Variants in ACSL5 observed in about 807,000 individuals in gnomAD.
ACSL5 encodes acyl-CoA synthetase long chain family member 5.
Under a neutral mutation model 84.9 loss-of-function variants are expected in ACSL5, and 50 were observed. The ratio of observed to expected loss-of-function variants is 0.59; its 90% CI spans 0.47 to 0.75. The LOEUF is 0.75. Ranked by LOEUF, ACSL5 falls within the 30% of genes least tolerant of loss-of-function variation. The pLI is 0.00. For missense variants in ACSL5, 775 were observed against 830.4 expected (o/e 0.93, Z 0.82); for synonymous variants, 280 against 300.7 (o/e 0.93, Z 0.71).
At chr10:112,416,172 T>TA (rs898150026) in intron 12 of ACSL5, among the ~76,000 whole-genome samples, 5 of 152,066 alleles carry the variant, frequency 3.3e-5, no homozygotes, top group Admixed American at 6.6e-5. Flanking sequence ...ATACTTGTTT[T>TA]AAAAAATCAG....
chr10:112,385,260 G>T (rs1314872202), intron 1 of ACSL5, among the ~76,000 whole-genome samples: 5 of 152,278 alleles, frequency 3.3e-5, no homozygotes, highest in African/African-American at 9.6e-5. Flanking sequence ...TAAGTTATCT[G>T]CCCCAGGTCA....
intron 5 of ACSL5, among the ~76,000 whole-genome samples, chr10:112,405,770 A>G (rs1844021329): frequency 6.6e-6 from 1 of 152,242 alleles, no homozygotes; most frequent in Non-Finnish European, 1.5e-5. Context: ...GTAGTTGATT[A>G]ACACATATTT....
intron 1 of ACSL5, 108 bp from the exon 2 acceptor site, chr10:112,394,810 G>T (rs181503693): frequency 7.7e-5 from 113 of 1,468,200 alleles, no homozygotes; most frequent in Non-Finnish European, 9.7e-5. Flanking sequence ...GCGTGCGCGC[G>T]TGTGTGTGTG....
chr10:112,426,964 G>T (rs1844749167), intron 20 of ACSL5, 105 bp downstream of exon 20: 2 of 1,115,546 alleles, frequency 1.8e-6, no homozygotes, highest in African/African-American at 1.6e-5. Context: ...ATTGATTTTA[G>T]ATTTTGTGCC....
intron 1 of ACSL5, 110 bp from the exon 2 acceptor site, chr10:112,394,808 G>A (rs974080724): frequency 1.9e-5 from 29 of 1,519,582 alleles, no homozygotes; most frequent in Admixed American, 6.0e-5. Context: ...AGGCGTGCGC[G>A]CGTGTGTGTG....
chr10:112,380,627 G>T (rs1306405392), intron 1 of ACSL5, among the ~76,000 whole-genome samples: 3 of 152,162 alleles, frequency 2.0e-5, no homozygotes, highest in African/African-American at 7.2e-5. Context: ...CTAATGAGAT[G>T]ATTGGTCTCT....
rs768511347 is a variant in ACSL5, at chr10:112,411,975, T to C, written c.944T>C (p.Val315Ala). 6 of 1,611,736 alleles carry C rather than the reference T, an allele frequency of 3.7e-6. No homozygotes were observed. In the Admixed American group the frequency reaches 1.0e-4, roughly 27 times the overall value. The change falls in exon 11 of 21, where the codon GTA (valine) becomes GCA (alanine). Residue 315 changes from valine to alanine, a missense_variant. Coordinates refer to ENST00000354655, the MANE Select transcript of ACSL5 (RefSeq NM_203379.2). ...CTGGCTCATATGTTTGAGAGGATTG[T>C]ACAGGTGAGTGTTCTGTGTTCCTAG... ...LPLAHMFERIVQAVVYSCGAR... is the reference protein window; with the variant it reads ...LPLAHMFERIAQAVVYSCGAR...
intron 14 of ACSL5, among the ~76,000 whole-genome samples, chr10:112,419,046 T>C (rs1428603164): frequency 3.3e-5 from 5 of 152,128 alleles, no homozygotes; most frequent in Non-Finnish European, 7.4e-5. Flanking sequence ...ATTAATAATC[T>C]AGAATAAATC....
chr10:112,377,367 CCATCT>C (rs1564728227), intron 1 of ACSL5, among the ~76,000 whole-genome samples: 1 of 152,142 alleles, frequency 6.6e-6, no homozygotes, highest in East Asian at 1.9e-4. Context: ...TGGCGAAACC[CCATCT>C]CTACTGAAAA....
chr10:112,411,283 G>T, intron 9 of ACSL5, 173 bp from the exon 10 acceptor site: 1 of 600,882 alleles, frequency 1.7e-6, no homozygotes. Flanking sequence ...TAGAATCTCC[G>T]GGGGCATTAA....
Position 112,422,006 on chromosome 10 carries a change from A to T in ACSL5, c.1447A>T (p.Asn483Tyr). Reference protein sequence around the residue: ...YVKLEDVADMNYFTVNNEGEV... With the variant: ...YVKLEDVADMYYFTVNNEGEV... The stretch of plus-strand genomic sequence containing the variant: ...GAAGCTGGAAGATGTGGCTGACATG[A>T]ACTACTTTACAGTGAATAATGAAGG... The change falls in exon 16 of 21, where the codon AAC (asparagine) becomes TAC (tyrosine). Residue 483 changes from asparagine to tyrosine, a missense_variant. By Grantham distance (143) the Asn-to-Tyr change is moderately radical. Coordinates refer to ENST00000354655, the MANE Select transcript of ACSL5 (RefSeq NM_203379.2). 6.2e-7 allele frequency: 1 copy of T among 1,614,222 alleles called. No individual in the cohort carries two copies.
chr10:112,376,226 C>A, intron 1 of ACSL5: 1 of 1,548,330 alleles, frequency 6.5e-7, no homozygotes, highest in East Asian at 2.3e-5. Context: ...TCCCCGAGCA[C>A]GTTAGAAAGC....
chr10:112,424,610 G>A (rs1844600039), intron 17 of ACSL5: 1 of 152,228 alleles, frequency 6.6e-6, no homozygotes, highest in Non-Finnish European at 1.5e-5. Context: ...ACGTTAGGCT[G>A]AATTGATGGC....
At chr10:112,392,289 TGGTG>T (rs1395044012) in intron 1 of ACSL5, among the ~76,000 whole-genome samples, 3 of 148,566 alleles carry the variant, frequency 2.0e-5, no homozygotes, top group South Asian at 4.4e-4. Flanking sequence ...CTGGGCAGCA[TGGTG>T]AGGCTGTGTC....
chr10:112,416,880 C>G lies in ACSL5; in HGVS notation c.1084-8C>G. ...GGTTTCCAACTAAAAGGAGCTATCA[C>G]TCTGCAGGTACAAAATGAGGCCAAG... On this transcript the variant is annotated splice_region_variant and splice_polypyrimidine_tract_variant and intron_variant, in intron 12 of 20. Coordinates refer to ENST00000354655, the MANE Select transcript of ACSL5 (RefSeq NM_203379.2). The G allele has an allele frequency of 6.2e-7, 1 of 1,613,624 alleles. No homozygotes were observed.
intron 1 of ACSL5, among the ~76,000 whole-genome samples, chr10:112,381,238 T>C (rs944398051): frequency 6.6e-6 from 1 of 152,204 alleles, no homozygotes; most frequent in African/African-American, 2.4e-5. Context: ...CACTGAAGCA[T>C]TCTGTAAGAG....
intron 5 of ACSL5, among the ~76,000 whole-genome samples, chr10:112,407,400 T>C (rs1002213436): frequency 1.3e-5 from 2 of 152,020 alleles, no homozygotes; most frequent in Non-Finnish European, 2.9e-5. Flanking sequence ...ATTTTTGTAT[T>C]TTTAGTAGAG....
intron 14 of ACSL5, among the ~76,000 whole-genome samples, chr10:112,420,216 C>T (rs1297511774): frequency 1.3e-5 from 2 of 152,136 alleles, no homozygotes; most frequent in Non-Finnish European, 2.9e-5. Flanking sequence ...CTAAGCCTTC[C>T]TCTCTCTCCC....
chr10:112,391,091 AGGAAGG>A (rs1849552974), intron 1 of ACSL5, among the ~76,000 whole-genome samples: 1 of 152,304 alleles, frequency 6.6e-6, no homozygotes, highest in Non-Finnish European at 1.5e-5. Context: ...TTAAAAATTG[AGGAAGG>A]GCCAGGTGCA....
Sources: gnomAD v4.1 joint callset for allele counts (sites outside exome capture counted in the v4.1 genomes callset) on GRCh38, gnomAD v4.1.1 for gene constraint, MANE v1.5 for transcripts, NCBI Gene and HGNC (gene_info 2026-07-23, HGNC 2026-07-21) for gene names.